Variants in MYH8 observed in about 807,000 individuals in gnomAD.
MYH8 encodes the protein myosin heavy chain 8, also known as myosin-8.
MYH8 carries 168 observed loss-of-function variants against 233.2 expected under a neutral mutation model. That is an observed-to-expected ratio of 0.72 (90% CI 0.64 to 0.82). The LOEUF (loss-of-function observed/expected upper bound fraction) is 0.82. Among genes scored for constraint, MYH8 ranks in the 40% least tolerant of loss-of-function variants. MYH8 has a pLI of 0.00. For synonymous variants in MYH8, 785 were observed against 850.6 expected (o/e 0.92, Z 1.34); for missense variants, 1,995 against 2,327.8 (o/e 0.86, Z 2.94).
chr17:10,409,905 G>A (rs1022784458), intron 15 of MYH8, among the ~76,000 whole-genome samples: 3 of 151,950 alleles, frequency 2.0e-5, no homozygotes, highest in African/African-American at 4.8e-5. Context: ...GTTTTTCTTC[G>A]TTATGAAAAT....
At position 10,406,819 on chromosome 17, in the gene MYH8, G is replaced by A; in HGVS notation, c.2054-12C>T. On this transcript the variant is annotated splice_polypyrimidine_tract_variant and intron_variant, in intron 18 of 39. Transcript: ENST00000403437. ...ATGTTCCATTGCCCCTAAAAATATA[G>A]AACAGTACTTATTAGTGGGCATTTA... The A allele has an allele frequency of 6.2e-7, 1 of 1,613,586 alleles. No homozygotes were observed.
chr17:10,408,034 G>A (rs1312400442), intron 17 of MYH8, among the ~76,000 whole-genome samples: 1 of 150,234 alleles, frequency 6.7e-6, no homozygotes, highest in African/African-American at 2.5e-5. Flanking sequence ...TCTACCTCCT[G>A]GGTGCAAGCG....
Position 10,415,812 on chromosome 17 carries a change from G to A in MYH8, c.512-104C>T. The A allele has an allele frequency of 7.6e-7, 1 of 1,322,534 alleles. No homozygotes were observed. 81.9% of individuals were successfully genotyped at this position (1,322,534 alleles called of 1,614,324 possible). On this transcript the variant is annotated intron_variant, in intron 5 of 39. Coordinates refer to ENST00000403437, the MANE Select transcript of MYH8 (RefSeq NM_002472.3). This position sits in a 1 kb window ranked among gnomAD's most constrained non-coding sequence, Gnocchi z 4.1. Reference sequence around the variant, plus strand: ...AGCTTGTTCTTTTTAACTTTTTGAAGATGTCACCTTTGGTTTTGATTTTGT... The same window carrying A: ...AGCTTGTTCTTTTTAACTTTTTGAAAATGTCACCTTTGGTTTTGATTTTGT...
intron 5 of MYH8, among the ~76,000 whole-genome samples, chr17:10,418,013 A>G (rs1015520283): frequency 2.6e-5 from 4 of 152,228 alleles, no homozygotes; most frequent in Non-Finnish European, 5.9e-5. Context: ...TGGGCCTATA[A>G]TGCGTATCAA....
chr17:10,415,499 C>T lies in MYH8; in HGVS notation c.621G>A (p.Lys207=). 2 of 1,614,218 alleles carry T rather than the reference C, an allele frequency of 1.2e-6. No homozygotes were observed. The highest frequency in any genetic ancestry group is 1.7e-6 in the Non-Finnish European group (2 of 1,180,032). The change falls in exon 7 of 40, where the codon AAG becomes AAA. Residue 207 remains lysine (K), a synonymous_variant. Transcript: ENST00000403437. This position sits in a 1 kb window ranked among gnomAD's most constrained non-coding sequence, Gnocchi z 4.1. ...GCATTTTGCCAGATTCATCCTTCTT[C>T]TTCTCTCCAGTAACTGCAATTGTTG... ...YFATIAVTGE[K]KKDESGKMQG... is the part of the protein sequence containing the mutation.
Position 10,414,261 on chromosome 17 carries a change from A to G in MYH8, c.939T>C (p.Tyr313=), listed in dbSNP as rs201581304. 1 of 1,614,098 alleles carries G rather than the reference A, an allele frequency of 6.2e-7. No homozygotes were observed. Residue 313 remains tyrosine (Y), a synonymous_variant, in exon 11 of 40, where the codon TAT becomes TAC. Transcript: ENST00000403437. ...TGATCTCCCCCTGACTGACGAAGGC[A>G]TAGTCATATGGGTTGGTGGTGATCA... ...MLLITTNPYD[Y]AFVSQGEITV...
chr17:10,415,346 T>C lies in MYH8; in HGVS notation c.687A>G (p.Leu229=), dbSNP rs1214712929. The C allele has an allele frequency of 6.2e-7, 1 of 1,614,048 alleles. No individual in the cohort carries two copies. Among genetic ancestry groups the C allele is most frequent in the African/African-American group, 1.3e-5 (1 of 74,928 alleles). Reference sequence around the variant, plus strand: ...TTTTGGCATTGCCAAAGGCCTCCAGTAGGGGATTGGCGCTGATGATTTGAT... The same window carrying C: ...TTTTGGCATTGCCAAAGGCCTCCAGCAGGGGATTGGCGCTGATGATTTGAT... The part of the protein sequence containing the change: ...LEDQIISANP[L]LEAFGNAKTV... The change falls in exon 8 of 40, where the codon CTA becomes CTG. Residue 229 remains leucine, a synonymous_variant. Coordinates refer to ENST00000403437, the MANE Select transcript of MYH8 (RefSeq NM_002472.3). This position sits in a 1 kb window ranked among gnomAD's most constrained non-coding sequence, Gnocchi z 4.1.
At chr17:10,401,859 T>A in intron 22 of MYH8, 74 bp from the exon 23 acceptor site, 5 of 1,582,806 alleles carry the variant, frequency 3.2e-6, no homozygotes, top group Non-Finnish European at 4.3e-6. Context: ...TGCGCAAAAA[T>A]AATAGTGTTT....
In MYH8 at chr17:10,415,729, A is replaced by G. The variant is rs1346097456; in HGVS notation, c.512-21T>C. 1 of 1,610,132 alleles carries G rather than the reference A, an allele frequency of 6.2e-7. No individual in the cohort carries two copies. ...TCGATCTGTGAAAGAATTCAAAATC[A>G]TCCGTTAAAAAATGCATATTTAATA... On this transcript the variant is annotated intron_variant, in intron 5 of 39. Coordinates refer to ENST00000403437, the MANE Select transcript of MYH8 (RefSeq NM_002472.3). This position sits in a 1 kb window ranked among gnomAD's most constrained non-coding sequence, Gnocchi z 4.1.
In MYH8 at chr17:10,395,221, A is replaced by G; in HGVS notation, c.4874T>C (p.Leu1625Pro). 1 of 1,614,122 alleles carries G rather than the reference A, an allele frequency of 6.2e-7. No individual in the cohort carries two copies. Among genetic ancestry groups the G allele is most frequent in the Non-Finnish European group, 8.5e-7 (1 of 1,180,028 alleles). ...LRVKKKMEGD[L>P]NEMEIQLNHA... is the part of the protein sequence containing the mutation. ...GTTCAGCTGGATTTCCATTTCATTCAGATCTCCTTCCATTTTCTTCTTGAC... is the reference window on the plus strand; with the variant it reads ...GTTCAGCTGGATTTCCATTTCATTCGGATCTCCTTCCATTTTCTTCTTGAC... The change falls in exon 34 of 40, where the codon CTG becomes CCG. Residue 1625 changes from leucine (L) to proline (P), a missense_variant. Transcript: ENST00000403437.
At chr17:10,401,497 GTT>G (rs2072142389) in intron 23 of MYH8, 44 bp downstream of exon 23, 7 of 1,613,998 alleles carry the variant, frequency 4.3e-6, no homozygotes, top group Non-Finnish European at 5.9e-6. Flanking sequence ...AAGCAATTTA[GTT>G]GGTGGCAGAA....
chr17:10,397,222 G>A (rs934489585), intron 30 of MYH8, among the ~76,000 whole-genome samples: 1 of 152,070 alleles, frequency 6.6e-6, no homozygotes, highest in African/African-American at 2.4e-5. Context: ...GATTACAGAT[G>A]TGCACCACCA....
Position 10,415,701 on chromosome 17 carries a change from C to A in MYH8, c.519G>T (p.Glu173Asp), listed in dbSNP as rs1276554003. 1.2e-6 allele frequency: 2 copies of A among 1,613,634 alleles called. No homozygotes were observed. The highest frequency in any genetic ancestry group is 1.7e-6 in the Non-Finnish European group (2 of 1,179,788). Reference sequence around the variant, plus strand: ...CATACGTGATCAGGATGGACTGATTCTCTCGATCTGTGAAAGAATTCAAAA... The same window carrying A: ...CATACGTGATCAGGATGGACTGATTATCTCGATCTGTGAAAGAATTCAAAA... The part of the protein sequence containing the change: ...NAYQFMLTDR[E>D]NQSILITGES... Residue 173 changes from glutamate to aspartate, a missense_variant, in exon 6 of 40, where the codon GAG (glutamate) becomes GAT (aspartate). Physicochemically the swap from Glu to Asp is conservative, Grantham distance 45. This residue lies in a region of MYH8 where 479 missense variants were observed against 600.9 expected (regional missense o/e 0.80). Transcript: ENST00000403437. The surrounding 1 kb of genome is among the most constrained non-coding windows in gnomAD (Gnocchi z 4.1).
At chr17:10,390,671 A>T in intron 39 of MYH8, 68 bp from the exon 40 acceptor site, 1 of 1,548,062 alleles carries the variant, frequency 6.5e-7, no homozygotes, top group Non-Finnish European at 8.9e-7. Context: ...ACCAGACAGG[A>T]TTAGTTCCTC....
chr17:10,399,436 A>C (rs913428363), intron 28 of MYH8, 107 bp downstream of exon 28: 3 of 1,585,510 alleles, frequency 1.9e-6, no homozygotes, highest in Non-Finnish European at 2.6e-6. Flanking sequence ...GCAAACTCTG[A>C]TCATTTGTTT....
chr17:10,391,312 A>T (rs1330271094), intron 39 of MYH8, among the ~76,000 whole-genome samples: 1 of 152,178 alleles, frequency 6.6e-6, no homozygotes, highest in Non-Finnish European at 1.5e-5. Context: ...TTTCTACTGT[A>T]TATCATTTGT....
Position 10,390,595 on chromosome 17 carries a change from T to C in MYH8, c.5673A>G (p.Gln1891=). 6.2e-7 allele frequency: 1 copy of C among 1,614,104 alleles called. No homozygotes were observed. Among genetic ancestry groups the C allele is most frequent in the South Asian group, 1.1e-5 (1 of 91,086 alleles). Residue 1891 remains glutamine, a synonymous_variant, in exon 40 of 40, where the codon CAA becomes CAG. Transcript: ENST00000403437. ...GGAATTTAGATAGATTAGCATTGGA[T>C]TGTTCCTCCTAAGAATAGAGATAAA... The part of the protein sequence containing the change: ...YKRQAEEAEE[Q]SNANLSKFRK...
rs115549601 is a variant in MYH8, at chr17:10,398,012, G to A, written c.4178+432C>T. On this transcript the variant is annotated intron_variant, in intron 30 of 39. Transcript: ENST00000403437. ...CAGGGAGATCTACTTGAAGGTCTCC[G>A]TTTGTCTATATGCAGACTAAGGCTT... Among the ~76,000 whole-genome samples the A allele has an allele frequency of 9.8e-4, 149 of 152,196 alleles. 1 individual carries two copies. The Middle Eastern group carries it at 0.01, about 10-fold the overall frequency.
chr17:10,390,330 A>C lies in MYH8; in HGVS notation c.*124T>G. The C allele has an allele frequency of 7.8e-7, 1 of 1,287,606 alleles. No individual in the cohort carries two copies. Among genetic ancestry groups the C allele is most frequent in the Non-Finnish European group, 1.1e-6 (1 of 888,982 alleles). The allele number at this position is 1,287,606 out of a possible 1,614,324, so 79.8% of individuals were successfully genotyped here. A position where few individuals can be genotyped will look rare whatever the true frequency, so the allele number is the denominator to read the frequency against. ...AAAAAATGAAAGTCCGGTTTAATGTATACATTTACTGTAGTTTTTATTTAT... is the reference window on the plus strand; with the variant it reads ...AAAAAATGAAAGTCCGGTTTAATGTCTACATTTACTGTAGTTTTTATTTAT... On this transcript the variant is annotated 3_prime_UTR_variant, in exon 40 of 40. Coordinates refer to ENST00000403437, the MANE Select transcript of MYH8 (RefSeq NM_002472.3).
Sources: gnomAD v4.1 joint callset for allele counts (sites outside exome capture counted in the v4.1 genomes callset) on GRCh38, gnomAD v4.1.1 for gene constraint, gnomAD v4.1.1 regional missense constraint, Gnocchi (gnomAD v3.1) non-coding constraint, MANE v1.5 for transcripts, NCBI Gene and HGNC (gene_info 2026-07-23, HGNC 2026-07-21) for gene names.